Variants in ING5 observed in about 807,000 individuals in gnomAD.
ING5 encodes inhibitor of growth family member 5, also known as inhibitor of growth protein 5.
A neutral mutation model predicts 37.4 loss-of-function variants in ING5; 17 were observed. The ratio of observed to expected loss-of-function variants is 0.45; its 90% confidence interval spans 0.31 to 0.68. ING5 has a LOEUF of 0.68. Among genes scored for constraint, ING5 ranks in the 30% least tolerant of loss-of-function variants. ING5 has a pLI of 0.05. For missense variants in ING5, 233 were observed against 311.9 expected (o/e 0.75, Z 1.91); for synonymous variants, 123 against 116.6 (o/e 1.06, Z -0.36).
At chr2:241,707,961 G>A (rs370325124) in intron 2 of ING5, among the ~76,000 whole-genome samples, 3 of 152,108 alleles carry the variant, frequency 2.0e-5, no homozygotes, top group East Asian at 1.9e-4. Context: ...GCAGTGGCAC[G>A]GTCTCGGCTC....
chr2:241,724,927 TG>T, intron 7 of ING5, 61 bp from the exon 8 acceptor site: 1 of 1,537,656 alleles, frequency 6.5e-7, no homozygotes, highest in Non-Finnish European at 8.8e-7. Flanking sequence ...AGGCGGGCCC[TG>T]GGCACCCTGC....
chr2:241,717,822 T>C (rs1020713666), intron 5 of ING5, among the ~76,000 whole-genome samples: 1 of 152,192 alleles, frequency 6.6e-6, no homozygotes, highest in Non-Finnish European at 1.5e-5. Context: ...TTTGAACTGT[T>C]GGTTTATACT....
upstream of ING5, among the ~76,000 whole-genome samples, chr2:241,697,408 C>G (rs2124859423): frequency 6.9e-6 from 1 of 144,492 alleles, no homozygotes; most frequent in East Asian, 2.1e-4. Context: ...GCACTCCAGC[C>G]TGGGTGACAG....
Position 241,722,869 on chromosome 2 carries a change from G to A in ING5, c.483-70G>A, listed in dbSNP as rs2070465017. 1.9e-6 allele frequency: 3 copies of A among 1,597,044 alleles called. No individual in the cohort carries two copies. The East Asian group carries it at 6.7e-5, about 36-fold the overall frequency. ...GGGGCCTTAAGTCAGAGACAGAAGG[G>A]CCCGTGGTGTCCGTGCCGCCTCACT... On this transcript the variant is annotated intron_variant, in intron 5 of 7. Transcript: ENST00000313552.
chr2:241,704,791 G>C, intron 2 of ING5, 67 bp downstream of exon 2: 1 of 1,362,138 alleles, frequency 7.3e-7, no homozygotes, highest in Non-Finnish European at 1.1e-6. Flanking sequence ...AGCTCCTGAA[G>C]GCTGGGGGCA....
chr2:241,723,114 CTT>C, intron 6 of ING5, 40 bp downstream of exon 6: 2 of 1,614,100 alleles, frequency 1.2e-6, no homozygotes, highest in Non-Finnish European at 1.7e-6. Flanking sequence ...GGGGCGGGGT[CTT>C]GTGTGGGGCA....
chr2:241,728,126 G>A lies in ING5; in HGVS notation c.*3095G>A, dbSNP rs1251016990. 1.3e-5 allele frequency: 2 copies of A among 152,266 alleles called. No homozygotes were observed. Among genetic ancestry groups the A allele is most frequent in the African/African-American group, 4.8e-5 (2 of 41,472 alleles). 9.4% of individuals were successfully genotyped at this position (152,266 alleles called of 1,614,324 possible). On this transcript the variant is annotated 3_prime_UTR_variant, in exon 8 of 8. Coordinates refer to ENST00000313552, the MANE Select transcript of ING5 (RefSeq NM_032329.6). ...GTTTGGACCCAACTGAATCCTGAGT[G>A]CTCTGTGGCTGACGCTGTCTACCCG...
intron 5 of ING5, chr2:241,722,023 G>A (rs1363090569): frequency 1.0e-6 from 1 of 985,340 alleles, no homozygotes; most frequent in East Asian, 1.1e-4. Context: ...GGACAGCTGG[G>A]TGGGTGGTGG....
At chr2:241,695,296 T>A (rs1244698595) in intron 2 of ING5, among the ~76,000 whole-genome samples, 1 of 151,964 alleles carries the variant, frequency 6.6e-6, no homozygotes, top group Non-Finnish European at 1.5e-5. Flanking sequence ...CCAGCTGACA[T>A]CAGCCTTCCA....
intron 2 of ING5, chr2:241,694,219 G>A (rs1249817717): frequency 2.6e-5 from 4 of 151,648 alleles, no homozygotes; most frequent in Non-Finnish European, 4.4e-5. Flanking sequence ...CGAGGCGGGC[G>A]GATCACAAGG....
Position 241,725,183 on chromosome 2 carries a change from C to G in ING5, c.*152C>G. 2.4e-6 allele frequency: 2 copies of G among 826,996 alleles called. No homozygotes were observed. Among genetic ancestry groups the G allele is most frequent in the Admixed American group, 4.4e-5 (2 of 45,858 alleles). The allele number at this position is 826,996 out of a possible 1,614,324, so 51.2% of individuals were successfully genotyped here. On this transcript the variant is annotated 3_prime_UTR_variant, in exon 8 of 8. Transcript: ENST00000313552. ...GCTGGATGTTTCCTAGAACAAGAAC[C>G]ACCAAAGCCTGTTCGCACAGAAGGG...
chr2:241,710,698 G>C (rs2070081926), intron 3 of ING5, among the ~76,000 whole-genome samples: 1 of 151,984 alleles, frequency 6.6e-6, no homozygotes, highest in South Asian at 2.1e-4. Flanking sequence ...TGGTCAGGCT[G>C]GTCCTGAACT....
Position 241,729,375 on chromosome 2 carries a change from T to C in ING5, c.*4344T>C, listed in dbSNP as rs774018623. The C allele has an allele frequency of 1.3e-5, 2 of 152,692 alleles. No individual in the cohort carries two copies. The highest frequency in any genetic ancestry group is 1.5e-5 in the Non-Finnish European group (1 of 68,046). 9.5% of individuals were successfully genotyped at this position (152,692 alleles called of 1,614,324 possible). A position where few individuals can be genotyped will look rare whatever the true frequency, so the allele number is the denominator to read the frequency against. ...CCTTTGTAAAGGAAAGATAATGTTG[T>C]AAATCTTTTTATTAGATAATGTAAA... On this transcript the variant is annotated 3_prime_UTR_variant, in exon 8 of 8. Transcript: ENST00000313552.
intron 5 of ING5, chr2:241,722,632 G>A: frequency 1.0e-6 from 1 of 985,408 alleles, no homozygotes; most frequent in Admixed American, 6.1e-5. Flanking sequence ...GTTCAGAGGG[G>A]TTATTGAGGT....
At chr2:241,691,128 T>C (rs755838943) in intron 2 of ING5, among the ~76,000 whole-genome samples, 15 of 151,558 alleles carry the variant, frequency 9.9e-5, no homozygotes, top group South Asian at 2.1e-4. Context: ...TGCTTTCTTG[T>C]GTTTGAGATT....
chr2:241,701,228 T>A (rs981599403), upstream of ING5, among the ~76,000 whole-genome samples: 1 of 151,666 alleles, frequency 6.6e-6, no homozygotes, highest in Non-Finnish European at 1.5e-5. Flanking sequence ...CCTCCCAAAG[T>A]GATGGGATTA....
intron 1 of ING5, among the ~76,000 whole-genome samples, chr2:241,702,527 G>C (rs974665898): frequency 4.1e-5 from 5 of 122,768 alleles, no homozygotes; most frequent in Non-Finnish European, 7.6e-5. Context: ...CCGGGCCTTG[G>C]GGGCTCCGGG....
rs552639567 is a variant in ING5, at chr2:241,718,895, A to C, written c.483-4044A>C. On this transcript the variant is annotated intron_variant, in intron 5 of 7. Transcript: ENST00000313552. ...TGGTAACCAGCTTTTAAAAAAACAT[A>C]ATCAGTCCTATTTCCCTGCTGAGGG... 9.2e-5 allele frequency among the ~76,000 whole-genome samples: 14 copies of C among 152,304 alleles called. No homozygotes were observed. The South Asian group carries it at 2.9e-3, about 32-fold the overall frequency.
intron 2 of ING5, among the ~76,000 whole-genome samples, chr2:241,691,571 C>A (rs1205651988): frequency 1.3e-5 from 2 of 152,168 alleles, no homozygotes; most frequent in African/African-American, 4.8e-5. Flanking sequence ...GGGGCTGTCA[C>A]GACAGACTAC....
Sources: gnomAD v4.1 joint callset for allele counts (sites outside exome capture counted in the v4.1 genomes callset) on GRCh38, gnomAD v4.1.1 for gene constraint, MANE v1.5 for transcripts, NCBI Gene and HGNC (gene_info 2026-07-23, HGNC 2026-07-21) for gene names.